Variants in PKHD1 observed in about 807,000 individuals in gnomAD.
PKHD1 encodes fibrocystin.
A neutral mutation model predicts 412.0 loss-of-function variants in PKHD1; 291 were observed. That is an observed-to-expected ratio of 0.71 (90% CI 0.64 to 0.78). The LOEUF is 0.78. Ranked by LOEUF, PKHD1 falls within the 30% of genes least tolerant of loss-of-function variation. PKHD1 has a pLI of 0.00. For missense variants in PKHD1, 4,825 were observed against 4,950.7 expected (o/e 0.97, Z 0.76); for synonymous variants, 1,777 against 1,821.5 (o/e 0.98, Z 0.62).
chr6:51,729,981 A>C (rs1339389444), intron 60 of PKHD1, among the ~76,000 whole-genome samples: 1 of 152,148 alleles, frequency 6.6e-6, no homozygotes, highest in Non-Finnish European at 1.5e-5. Flanking sequence ...AGAACTCTTA[A>C]CCTGTGCTTT....
chr6:51,870,562 A>G lies in PKHD1; in HGVS notation c.7428T>C (p.Asn2476=). 6.2e-7 allele frequency: 1 copy of G among 1,611,552 alleles called. No homozygotes were observed. The highest frequency in any genetic ancestry group is 1.1e-5 in the South Asian group (1 of 91,032). The change falls in exon 47 of 67, where the codon AAT becomes AAC. Residue 2476 remains asparagine, a synonymous_variant. Transcript: ENST00000371117. ...ELMVSNTTFV[N]FDLINCVAIR... is the part of the protein sequence containing the mutation. Reference sequence around the variant, plus strand: ...TGGCCACACAGTTGATGAGATCAAAATTAACAAAGGTTGTGTTAGACACCA... The same window carrying G: ...TGGCCACACAGTTGATGAGATCAAAGTTAACAAAGGTTGTGTTAGACACCA...
At chr6:51,836,818 G>T (rs1769314985) in intron 50 of PKHD1, among the ~76,000 whole-genome samples, 1 of 152,132 alleles carries the variant, frequency 6.6e-6, no homozygotes, top group African/African-American at 2.4e-5. Flanking sequence ...CATTTTGTAG[G>T]CTCAGCTTTT....
intron 55 of PKHD1, among the ~76,000 whole-genome samples, chr6:51,767,473 C>T (rs1193338397): frequency 6.6e-6 from 1 of 152,094 alleles, no homozygotes; most frequent in Non-Finnish European, 1.5e-5. Context: ...CCGCTCCCCT[C>T]ACCCCACAAC....
chr6:51,616,387 G>A lies in PKHD1; in HGVS notation c.*2694C>T, dbSNP rs1766067225. 1 of 317,280 alleles carries A rather than the reference G, an allele frequency of 3.2e-6. No homozygotes were observed. The highest frequency in any genetic ancestry group is 5.7e-6 in the Non-Finnish European group (1 of 176,232). The allele number at this position is 317,280 out of a possible 1,614,324, so 19.7% of individuals were successfully genotyped here. A position where few individuals can be genotyped will look rare whatever the true frequency, so the allele number is the denominator to read the frequency against. On this transcript the variant is annotated 3_prime_UTR_variant, in exon 67 of 67. Transcript: ENST00000371117. ...AAAGGGTGTAGATTGTCACTGCTGGGAAATATTTGCTGGGTTACCCATGTT... is the reference window on the plus strand; with the variant it reads ...AAAGGGTGTAGATTGTCACTGCTGGAAAATATTTGCTGGGTTACCCATGTT...
At chr6:51,767,586 G>T (rs1789315140) in intron 55 of PKHD1, among the ~76,000 whole-genome samples, 4 of 152,074 alleles carry the variant, frequency 2.6e-5, no homozygotes, top group African/African-American at 9.7e-5. Flanking sequence ...GTGTCCTTGT[G>T]ATAGTTTGAT....
intron 37 of PKHD1, among the ~76,000 whole-genome samples, chr6:51,931,557 C>T (rs1371448726): frequency 6.6e-6 from 1 of 152,218 alleles, no homozygotes. Flanking sequence ...ATGAGCTGCA[C>T]GTGGGGCTGC....
chr6:51,972,558 T>C (rs1313755761), intron 35 of PKHD1, among the ~76,000 whole-genome samples: 1 of 152,236 alleles, frequency 6.6e-6, no homozygotes, highest in Admixed American at 6.5e-5. Context: ...TGCAGATGCT[T>C]TCCTTGTACG....
intron 64 of PKHD1, among the ~76,000 whole-genome samples, chr6:51,638,602 C>T (rs751003598): frequency 2.0e-5 from 3 of 152,066 alleles, no homozygotes; most frequent in East Asian, 3.8e-4. Context: ...GAACACTGAA[C>T]GTAAACGTCA....
intron 14 of PKHD1, among the ~76,000 whole-genome samples, chr6:52,060,973 T>C (rs1808583652): frequency 6.6e-6 from 1 of 152,184 alleles, no homozygotes; most frequent in African/African-American, 2.4e-5. Flanking sequence ...TTCCTCAAAA[T>C]GGCAGTTAAA....
rs55992586 is a variant in PKHD1 at position 52,059,259 on chromosome 6, C to CTTTTTTTTTTT, written c.1233+658_1234-659dup. On this transcript the variant is annotated intron_variant, in intron 15 of 66. Transcript: ENST00000371117. ...CTTTCTTTTTTTTCTTTTTCTTTTT[C>CTTTTTTTTTTT]TTTTTTTTTTTTTTTTTTTTTTTTG... Among the ~76,000 whole-genome samples the CTTTTTTTTTTT allele has an allele frequency of 1.2e-3, 98 of 83,522 alleles. 3 individuals carry two copies. The highest frequency in any genetic ancestry group is 3.5e-3 in the African/African-American group (67 of 19,186). 54.8% of individuals were successfully genotyped at this position (83,522 alleles called of 152,430 possible).
At chr6:51,648,570 T>A (rs1279516036) in intron 62 of PKHD1, among the ~76,000 whole-genome samples, 1 of 152,122 alleles carries the variant, frequency 6.6e-6, no homozygotes, top group African/African-American at 2.4e-5. Flanking sequence ...AATTCAACAA[T>A]CATAGTTCAC....
At chr6:51,722,701 C>A (rs1367302188) in intron 60 of PKHD1, among the ~76,000 whole-genome samples, 1 of 152,140 alleles carries the variant, frequency 6.6e-6, no homozygotes, top group Non-Finnish European at 1.5e-5. Context: ...CATAATAAAT[C>A]TTTCCTGCCC....
intron 61 of PKHD1, among the ~76,000 whole-genome samples, chr6:51,655,115 C>T (rs1464139604): frequency 6.6e-6 from 1 of 152,028 alleles, no homozygotes; most frequent in African/African-American, 2.4e-5. Flanking sequence ...GATGTAAAAA[C>T]ACTCTTTAAT....
At chr6:51,664,128 C>G (rs1207304358) in intron 60 of PKHD1, among the ~76,000 whole-genome samples, 1 of 151,754 alleles carries the variant, frequency 6.6e-6, no homozygotes, top group Non-Finnish European at 1.5e-5. Context: ...GGATGTATAC[C>G]TTCAAAGAGG....
At chr6:51,794,087 C>T (rs1242496762) in intron 52 of PKHD1, among the ~76,000 whole-genome samples, 8 of 142,344 alleles carry the variant, frequency 5.6e-5, no homozygotes, top group Non-Finnish European at 1.2e-4. Context: ...CTCACTCTGT[C>T]GTGCAGTGGC....
chr6:51,965,793 A>G (rs764248717), intron 35 of PKHD1, among the ~76,000 whole-genome samples: 5 of 151,986 alleles, frequency 3.3e-5, no homozygotes, highest in Non-Finnish European at 4.4e-5. Context: ...GATTTCTCAA[A>G]GGTTGCTGAC....
In PKHD1 at chr6:52,045,213, A is replaced by C. The variant is rs540279291; in HGVS notation, c.2593-125T>G. On this transcript the variant is annotated intron_variant, in intron 24 of 66. Transcript: ENST00000371117. Reference sequence around the variant, plus strand: ...TCAGACAGCTAGAAAGTGAAAGCAGAGTAACAGAGAATTGAAATATAGAAA... The same window carrying C: ...TCAGACAGCTAGAAAGTGAAAGCAGCGTAACAGAGAATTGAAATATAGAAA... 36 of 895,434 alleles carry C rather than the reference A, an allele frequency of 4.0e-5. No homozygotes were observed. The Admixed American group carries it at 5.6e-4, about 14-fold the overall frequency. 55.5% of individuals were successfully genotyped at this position (895,434 alleles called of 1,614,324 possible). A position where few individuals can be genotyped will look rare whatever the true frequency, so the allele number is the denominator to read the frequency against.
chr6:51,877,330 C>A (rs1181093819), intron 46 of PKHD1, among the ~76,000 whole-genome samples: 2 of 65,364 alleles, frequency 3.1e-5, no homozygotes, highest in Non-Finnish European at 5.1e-5. Flanking sequence ...AGCACCACAC[C>A]ACACCTATTC....
chr6:51,627,354 T>G (rs1045656554), intron 65 of PKHD1, among the ~76,000 whole-genome samples: 1 of 152,120 alleles, frequency 6.6e-6, no homozygotes, highest in African/African-American at 2.4e-5. Context: ...TGGCTACTGA[T>G]CACTTAAAAT....
Sources: allele counts gnomAD v4.1 joint callset (sites outside exome capture counted in the v4.1 genomes callset), GRCh38; gene constraint gnomAD v4.1.1; transcripts MANE v1.5; gene names NCBI Gene and HGNC (gene_info 2026-07-23, HGNC 2026-07-21).